The following MCU variants were observed in gnomAD, a reference collection of about 807,000 sequenced individuals.
MCU encodes calcium uniporter protein, mitochondrial.
In MCU, 12 loss-of-function variants were observed where a neutral mutation model predicts 45.2. The observed-to-expected ratio is 0.27, with a 90% CI of 0.17 to 0.43. The LOEUF is 0.43. Ranked by LOEUF, MCU falls within the 20% of genes least tolerant of loss-of-function variation. The pLI is 1.00. For missense variants in MCU, 324 were observed against 436.7 expected (o/e 0.74, Z 2.30); for synonymous variants, 160 against 165.1 (o/e 0.97, Z 0.24).
At chr10:72,812,719 A>G (rs1349880236) in intron 1 of MCU, among the ~76,000 whole-genome samples, 2 of 152,126 alleles carry the variant, frequency 1.3e-5, no homozygotes, top group Admixed American at 6.5e-5. Flanking sequence ...ATCCTTACAG[A>G]AGCAAATTGT....
intron 1 of MCU, among the ~76,000 whole-genome samples, chr10:72,697,886 G>A (rs756171027): frequency 2.0e-5 from 3 of 151,994 alleles, no homozygotes; most frequent in African/African-American, 7.3e-5. Context: ...TCCCACTTCA[G>A]CCTCTTGAGT....
In MCU at chr10:72,759,898, A is replaced by C. The variant is rs565128231; in HGVS notation, c.150+67597A>C. The stretch of plus-strand genomic sequence containing the variant: ...GCCAAGAAGAGAGCCCTCACCAGAA[A>C]CCAATCCTTGATTTGGAGCTTCTAG... On this transcript the variant is annotated intron_variant, in intron 1 of 7. Transcript: ENST00000373053. Among the ~76,000 whole-genome samples, 60 of 152,270 alleles carry C rather than the reference A, an allele frequency of 3.9e-4. 1 individual carries two copies. The highest frequency in any genetic ancestry group is 1.4e-3 in the African/African-American group (57 of 41,576).
intron 6 of MCU, among the ~76,000 whole-genome samples, chr10:72,872,667 G>T (rs1845561381): frequency 1.3e-5 from 2 of 152,118 alleles, no homozygotes; most frequent in Non-Finnish European, 2.9e-5. Flanking sequence ...TTCATCCCTG[G>T]ATGGGCACTT....
rs1291341417 is a variant in MCU at position 72,693,193 on chromosome 10, TGTGTGTGAGAGAGAGAGAGACAGA to T, written c.150+898_150+921del. On this transcript the variant is annotated intron_variant, in intron 1 of 7. Coordinates refer to ENST00000373053, the MANE Select transcript of MCU (RefSeq NM_138357.3). ...GGGTGAGTGTGTGTGTGTGTGTGTG[TGTGTGTGAGAGAGAGAGAGACAGA>T]GTGTGAGAGAGATTTCTTTTTTCAA... 6.5e-6 allele frequency: 6 copies of T among 924,692 alleles called. No homozygotes were observed. The East Asian group carries it at 1.6e-4, about 24-fold the overall frequency. The allele number at this position is 924,692 out of a possible 1,614,324, so 57.3% of individuals were successfully genotyped here. A position where few individuals can be genotyped will look rare whatever the true frequency, so the allele number is the denominator to read the frequency against.
intron 6 of MCU, among the ~76,000 whole-genome samples, chr10:72,872,792 T>A (rs1048242481): frequency 1.4e-4 from 22 of 152,144 alleles, no homozygotes; most frequent in African/African-American, 5.3e-4. Context: ...CTAGTGGGAT[T>A]GCCAGATTGA....
chr10:72,823,965 C>T (rs1200873927), intron 1 of MCU, among the ~76,000 whole-genome samples: 2 of 152,062 alleles, frequency 1.3e-5, no homozygotes, highest in African/African-American at 4.8e-5. Context: ...GCAGGAGGAT[C>T]ACTTGAGCCC....
intron 1 of MCU, among the ~76,000 whole-genome samples, chr10:72,714,369 A>T (rs1202861204): frequency 2.9e-4 from 6 of 20,944 alleles, no homozygotes; most frequent in South Asian, 9.3e-4. Context: ...TTTTTTTTTT[A>T]AAGAGATGGG....
chr10:72,770,617 TAG>T (rs1843791863), intron 1 of MCU, among the ~76,000 whole-genome samples: 1 of 152,148 alleles, frequency 6.6e-6, no homozygotes, highest in Non-Finnish European at 1.5e-5. Flanking sequence ...GGATTTTTTA[TAG>T]AGTTTAATAT....
intron 1 of MCU, among the ~76,000 whole-genome samples, chr10:72,779,980 A>T (rs187174416): frequency 9.2e-5 from 14 of 152,346 alleles, no homozygotes; most frequent in Non-Finnish European, 1.6e-4. Flanking sequence ...AAACATGTAC[A>T]TATGTTCATA....
intron 1 of MCU, among the ~76,000 whole-genome samples, chr10:72,747,865 T>C (rs1209981404): frequency 6.6e-6 from 1 of 151,848 alleles, no homozygotes; most frequent in Non-Finnish European, 1.5e-5. Context: ...AAGTGTAATA[T>C]GGCCAAATAT....
At chr10:72,804,035 TATATATATATATATATATA>T in intron 1 of MCU, among the ~76,000 whole-genome samples, 1 of 61,050 alleles carries the variant, frequency 1.6e-5, no homozygotes, top group African/African-American at 1.2e-4. Context: ...TATATATATA[TATATATATATATATATATA>T]TATATATATA....
chr10:72,754,885 T>G (rs1410335779), intron 1 of MCU, among the ~76,000 whole-genome samples: 1 of 152,194 alleles, frequency 6.6e-6, no homozygotes, highest in African/African-American at 2.4e-5. Flanking sequence ...CTGCCCAGTT[T>G]GCAGACATTT....
chr10:72,726,243 G>GCA (rs1321730653), intron 1 of MCU, among the ~76,000 whole-genome samples: 6 of 106,656 alleles, frequency 5.6e-5, no homozygotes, highest in South Asian at 2.9e-4. Flanking sequence ...CATACTTCAG[G>GCA]CACACACACA....
chr10:72,718,601 A>G (rs1010114655), intron 1 of MCU, among the ~76,000 whole-genome samples: 1 of 152,242 alleles, frequency 6.6e-6, no homozygotes, highest in Non-Finnish European at 1.5e-5. Context: ...AGTTGAACAC[A>G]TGCATGCCCT....
chr10:72,774,781 G>T (rs1357452750), intron 1 of MCU, among the ~76,000 whole-genome samples: 1 of 152,032 alleles, frequency 6.6e-6, no homozygotes, highest in Non-Finnish European at 1.5e-5. Flanking sequence ...ACCAATCTAA[G>T]ACTGTAAAAA....
intron 1 of MCU, among the ~76,000 whole-genome samples, chr10:72,723,297 CTT>C (rs1272120007): frequency 6.6e-6 from 1 of 152,214 alleles, no homozygotes; most frequent in Admixed American, 6.5e-5. Flanking sequence ...AATTAATAAA[CTT>C]AGTTTTCTGT....
chr10:72,869,960 G>GTT (rs1359017314), intron 5 of MCU, among the ~76,000 whole-genome samples: 1 of 152,172 alleles, frequency 6.6e-6, no homozygotes, highest in East Asian at 1.9e-4. Flanking sequence ...TTTTAAATGT[G>GTT]TTATATATAT....
At chr10:72,742,892 G>T (rs761298074) in intron 1 of MCU, among the ~76,000 whole-genome samples, 8 of 152,284 alleles carry the variant, frequency 5.3e-5, no homozygotes, top group Non-Finnish European at 8.8e-5. Flanking sequence ...GGGGTGCAAT[G>T]CTATAAATGC....
At chr10:72,790,563 G>A (rs1844143649) in intron 1 of MCU, among the ~76,000 whole-genome samples, 1 of 152,096 alleles carries the variant, frequency 6.6e-6, no homozygotes, top group Non-Finnish European at 1.5e-5. Context: ...CTATTATCTT[G>A]TGGATGATTG....
Sources: gnomAD v4.1 joint callset for allele counts (sites outside exome capture counted in the v4.1 genomes callset) on GRCh38, gnomAD v4.1.1 for gene constraint, MANE v1.5 for transcripts, NCBI Gene and HGNC (gene_info 2026-07-23, HGNC 2026-07-21) for gene names.